The following ZNF678 variants were observed in gnomAD, a reference collection of about 807,000 sequenced individuals.
The protein encoded by ZNF678 is hypothetical protein MGC42493.
Under a neutral mutation model 3.0 loss-of-function variants are expected in ZNF678, and 5 were observed. The ratio of observed to expected loss-of-function variants is 1.69; its 90% CI spans 0.88 to 3.56. The LOEUF (loss-of-function observed/expected upper bound fraction) is 3.56, where lower values mean the gene tolerates loss of function less well. Among genes scored for constraint, ZNF678 ranks in the 30% most tolerant of loss-of-function variants. The pLI, the probability that ZNF678 is intolerant of heterozygous loss-of-function variation, is 0.00. For missense variants in ZNF678, 593 were observed against 605.0 expected, an observed-to-expected ratio of 0.98 and a Z score of 0.21; for synonymous variants, 218 against 199.6, an observed-to-expected ratio of 1.09 and a Z score of -0.78.
chr1:227,591,132 C>A (rs997034025), intron 1 of ZNF678, among the ~76,000 whole-genome samples: 2 of 151,772 alleles, frequency 1.3e-5, no homozygotes, highest in Non-Finnish European at 2.9e-5. Flanking sequence ...TTGGTACTGG[C>A]ACATTTAGTT....
intron 1 of ZNF678, among the ~76,000 whole-genome samples, chr1:227,639,730 T>C (rs1246145616): frequency 2.0e-5 from 3 of 152,116 alleles, no homozygotes; most frequent in African/African-American, 7.2e-5. Context: ...TCTGCACCAG[T>C]AGGCTGGGCA....
intron 1 of ZNF678, among the ~76,000 whole-genome samples, chr1:227,602,879 C>T (rs1657770368): frequency 6.6e-6 from 1 of 152,128 alleles, no homozygotes; most frequent in Non-Finnish European, 1.5e-5. Flanking sequence ...ACCTGTAATT[C>T]CAGCTTCTTT....
chr1:227,619,546 C>T (rs1658222637), intron 1 of ZNF678, among the ~76,000 whole-genome samples: 1 of 151,694 alleles, frequency 6.6e-6, no homozygotes, highest in South Asian at 2.1e-4. Flanking sequence ...GAGTCTTGCT[C>T]TGTTGCCCAG....
Position 227,638,906 on chromosome 1 carries a change from C to T in ZNF678, c.-163-7638C>T, listed in dbSNP as rs1277058186. On this transcript the variant is annotated intron_variant, in intron 1 of 3. Coordinates refer to ENST00000343776, the MANE Select transcript of ZNF678 (RefSeq NM_001367909.1). The surrounding 1 kb of genome is among the most constrained non-coding windows in gnomAD (Gnocchi z 4.2). ...TGAAAAATTAGGTAAAGCAGAGTAG[C>T]TTGCCTGGTATTAATTTAAAAAAAC... is the stretch of plus-strand genomic sequence containing the variant. Among the ~76,000 whole-genome samples, 1 of 152,050 alleles carries T rather than the reference C, an allele frequency of 6.6e-6. No homozygotes were observed. The highest frequency in any genetic ancestry group is 1.5e-5 in the Non-Finnish European group (1 of 68,024).
At chr1:227,610,296 T>C (rs1453050039) in intron 1 of ZNF678, among the ~76,000 whole-genome samples, 1 of 152,198 alleles carries the variant, frequency 6.6e-6, no homozygotes, top group Non-Finnish European at 1.5e-5. Flanking sequence ...TAGCAGAGAA[T>C]AATATTTCCA....
At chr1:227,610,254 G>A (rs1208444933) in intron 1 of ZNF678, among the ~76,000 whole-genome samples, 1 of 152,142 alleles carries the variant, frequency 6.6e-6, no homozygotes, top group Non-Finnish European at 1.5e-5. Flanking sequence ...TCATCACTAA[G>A]TTAGTCAATA....
intron 1 of ZNF678, among the ~76,000 whole-genome samples, chr1:227,596,709 A>C (rs1343323176): frequency 2.1e-5 from 2 of 94,386 alleles, no homozygotes; most frequent in Admixed American, 8.6e-5. Flanking sequence ...ATGTTAAAAT[A>C]AATTAATAAT....
At chr1:227,619,613 G>A (rs949377761) in intron 1 of ZNF678, among the ~76,000 whole-genome samples, 23 of 152,034 alleles carry the variant, frequency 1.5e-4, no homozygotes, top group Admixed American at 1.0e-3. Context: ...CTGGGTTCAC[G>A]CCATTCTCCT....
chr1:227,640,283 G>A lies in ZNF678; in HGVS notation c.-163-6261G>A, dbSNP rs116183163. Among the ~76,000 whole-genome samples, 712 of 152,144 alleles carry A rather than the reference G, an allele frequency of 4.7e-3. 6 individuals carry two copies. Among genetic ancestry groups the A allele is most frequent in the African/African-American group, 0.016 (683 of 41,500 alleles). On this transcript the variant is annotated intron_variant, in intron 1 of 3. Transcript: ENST00000343776. ...GAGAGGATGGTGTAGGAAAAGAAGTGGATACAGTTGACTGGGAAGATGGCA... is the reference window on the plus strand; with the variant it reads ...GAGAGGATGGTGTAGGAAAAGAAGTAGATACAGTTGACTGGGAAGATGGCA...
At chr1:227,668,610 G>C (rs527255497) in intron 5 of ZNF678, among the ~76,000 whole-genome samples, 71 of 152,294 alleles carry the variant, frequency 4.7e-4, no homozygotes, top group African/African-American at 1.6e-3. Context: ...TGAACCTGTG[G>C]CTTACGTAAG....
At chr1:227,625,831 G>A (rs1379719746) in intron 1 of ZNF678, among the ~76,000 whole-genome samples, 1 of 152,076 alleles carries the variant, frequency 6.6e-6, no homozygotes. Flanking sequence ...CAGACATACC[G>A]GTATGGGTGA....
intron 1 of ZNF678, among the ~76,000 whole-genome samples, chr1:227,580,326 T>A (rs1370259605): frequency 6.6e-6 from 1 of 152,158 alleles, no homozygotes; most frequent in Non-Finnish European, 1.5e-5. Flanking sequence ...CCTCCCCTGC[T>A]GCTTTTTAAA....
At chr1:227,595,182 ATATCTCTCTC>A (rs1657530585) in intron 1 of ZNF678, among the ~76,000 whole-genome samples, 1 of 148,610 alleles carries the variant, frequency 6.7e-6, no homozygotes, top group South Asian at 2.1e-4. Context: ...CTACTTGTAT[ATATCTCTCTC>A]TCTTTCTTTC....
At chr1:227,673,722 A>G (rs1031359629) in intron 5 of ZNF678, among the ~76,000 whole-genome samples, 2 of 152,234 alleles carry the variant, frequency 1.3e-5, no homozygotes, top group Non-Finnish European at 2.9e-5. Flanking sequence ...GCTTTAGGAC[A>G]GGGCTGCCTT....
downstream of ZNF678, among the ~76,000 whole-genome samples, chr1:227,663,520 C>G (rs1659451398): frequency 6.6e-6 from 1 of 152,180 alleles, no homozygotes; most frequent in Non-Finnish European, 1.5e-5. Context: ...ACCCCCGGCT[C>G]CCCTTTTGTA....
intron 1 of ZNF678, among the ~76,000 whole-genome samples, chr1:227,646,286 T>A (rs142830245): frequency 1.6e-3 from 244 of 152,378 alleles, no homozygotes; most frequent in African/African-American, 5.7e-3. Flanking sequence ...GTCCAATATG[T>A]AATGCATGTA....
chr1:227,643,864 T>C (rs1286291396), intron 1 of ZNF678, among the ~76,000 whole-genome samples: 2 of 66,424 alleles, frequency 3.0e-5, no homozygotes, highest in Non-Finnish European at 5.5e-5. Context: ...TTTTCTTTTC[T>C]TTTTTTTTTT....
chr1:227,611,528 C>T (rs570198734), intron 1 of ZNF678, among the ~76,000 whole-genome samples: 1 of 152,272 alleles, frequency 6.6e-6, no homozygotes, highest in East Asian at 1.9e-4. Context: ...ATTTATCAGG[C>T]CACTCACAAG....
rs763710563 is a variant in ZNF678, at chr1:227,655,807, T to TA, written c.1563dup (p.Cys522MetfsTer19). 3.8e-6 allele frequency: 6 copies of TA among 1,571,078 alleles called. No homozygotes were observed. Among genetic ancestry groups the TA allele is most frequent in the Non-Finnish European group, 5.2e-6 (6 of 1,163,220 alleles). ...ATACTGGAGAGGAACCTGACAAATG[T>TA]AAAAAATGTGGCAGTCTTTAAAAAC... is the stretch of plus-strand genomic sequence containing the variant. On this transcript the variant is annotated frameshift_variant, in exon 4 of 4. Transcript: ENST00000343776. LOFTEE classifies it high-confidence loss of function.
Sources: allele counts gnomAD v4.1 joint callset (sites outside exome capture counted in the v4.1 genomes callset), GRCh38; gene constraint gnomAD v4.1.1; non-coding constraint Gnocchi (gnomAD v3.1); transcripts MANE v1.5; gene names NCBI Gene and HGNC (gene_info 2026-07-23, HGNC 2026-07-21).